SNTG1: variants seen among roughly 807,000 people sequenced by gnomAD.
SNTG1 encodes the protein syntrophin gamma 1, also known as gamma-1-syntrophin.
Under a neutral mutation model 74.7 loss-of-function variants are expected in SNTG1, and 39 were observed. The ratio of observed to expected loss-of-function variants is 0.52; its 90% confidence interval spans 0.40 to 0.68. The LOEUF is 0.68. Among genes scored for constraint, SNTG1 ranks in the 30% least tolerant of loss-of-function variants. The pLI is 0.00. For missense variants in SNTG1, 685 were observed against 609.5 expected, an observed-to-expected ratio of 1.12 and a Z score of -1.30; for synonymous variants, 254 against 217.1, an observed-to-expected ratio of 1.17 and a Z score of -1.49.
Position 50,785,255 on chromosome 8 carries a change from GT to G in SNTG1, c.1396-7410del, listed in dbSNP as rs2095671412. ...AGAAAATTAGAAAATCTCAAATTTAGTTTTTTAAAAAGGTTAACAAGAGTGA... is the reference window on the plus strand; with the variant it reads ...AGAAAATTAGAAAATCTCAAATTTAGTTTTTAAAAAGGTTAACAAGAGTGA... On this transcript the variant is annotated intron_variant, in intron 18 of 18. Transcript: ENST00000642720. Among the ~76,000 whole-genome samples the G allele has an allele frequency of 2.0e-5, 3 of 151,730 alleles. No homozygotes were observed. The South Asian group carries it at 6.2e-4, about 31-fold the overall frequency.
chr8:50,283,527 T>A lies in SNTG1; in HGVS notation c.-27-110685T>A, dbSNP rs187610952. ...GAAATATAGGAATATGGAACAAAAC[T>A]GATTTTTGTGTAAATTCACATTTTA... On this transcript the variant is annotated intron_variant, in intron 2 of 18. Transcript: ENST00000642720. 2.1e-3 allele frequency among the ~76,000 whole-genome samples: 313 copies of A among 152,332 alleles called. 2 individuals carry two copies. Among genetic ancestry groups the A allele is most frequent in the African/African-American group, 7.1e-3 (294 of 41,588 alleles).
intron 9 of SNTG1, among the ~76,000 whole-genome samples, chr8:50,511,059 A>C (rs1332424429): frequency 6.6e-6 from 1 of 152,210 alleles, no homozygotes; most frequent in African/African-American, 2.4e-5. Context: ...ATTTAGTGCT[A>C]TAAATTTCCC....
intron 11 of SNTG1, among the ~76,000 whole-genome samples, chr8:50,537,697 A>T (rs2094317718): frequency 6.6e-6 from 1 of 152,180 alleles, no homozygotes; most frequent in African/African-American, 2.4e-5. Context: ...TTTCTGAGAG[A>T]TATAACCTCC....
chr8:50,570,596 T>TATA (rs2094543870), intron 12 of SNTG1, among the ~76,000 whole-genome samples: 1 of 144,562 alleles, frequency 6.9e-6, no homozygotes, highest in South Asian at 2.1e-4. Context: ...TTGTTGTTAT[T>TATA]ATTATTATTA....
chr8:50,146,865 T>C (rs1407025410), intron 1 of SNTG1, among the ~76,000 whole-genome samples: 1 of 150,486 alleles, frequency 6.6e-6, no homozygotes, highest in Non-Finnish European at 1.5e-5. Flanking sequence ...TTTTTTGTTC[T>C]TTTTTTTTCT....
intron 2 of SNTG1, among the ~76,000 whole-genome samples, chr8:50,174,770 T>C (rs1340832974): frequency 1.3e-5 from 2 of 152,130 alleles, no homozygotes; most frequent in Non-Finnish European, 2.9e-5. Flanking sequence ...TGCAGGTTTG[T>C]TACATATGTA....
At chr8:50,653,263 G>A (rs926862747) in intron 13 of SNTG1, among the ~76,000 whole-genome samples, 1 of 151,942 alleles carries the variant, frequency 6.6e-6, no homozygotes, top group African/African-American at 2.4e-5. Flanking sequence ...GGGCAACATA[G>A]CAAAACTCCG....
chr8:50,586,852 A>G (rs1227361715), intron 12 of SNTG1, among the ~76,000 whole-genome samples: 1 of 152,256 alleles, frequency 6.6e-6, no homozygotes, highest in Admixed American at 6.5e-5. Flanking sequence ...TTCGTTAAAA[A>G]AAAAGTAAAG....
In SNTG1 at chr8:50,380,761, G is replaced by A. The variant is rs59960463; in HGVS notation, c.-27-13451G>A. On this transcript the variant is annotated intron_variant, in intron 2 of 18. Transcript: ENST00000642720. ...TCATTTTATTTTCCAGGTTTTGGTT[G>A]CAAAGATGAAGTTTAATCAACAGCT... Among the ~76,000 whole-genome samples the A allele has an allele frequency of 9.3e-3, 1,422 of 152,272 alleles. 28 individuals are homozygous for A. Among genetic ancestry groups the A allele is most frequent in the African/African-American group, 0.032 (1,348 of 41,558 alleles).
intron 1 of SNTG1, among the ~76,000 whole-genome samples, chr8:49,995,918 T>C (rs1319220591): frequency 6.6e-6 from 1 of 152,234 alleles, no homozygotes; most frequent in Non-Finnish European, 1.5e-5. Flanking sequence ...TGCATCCATA[T>C]CTTTAAGCAT....
At chr8:50,321,314 C>A (rs546267437) in intron 2 of SNTG1, among the ~76,000 whole-genome samples, 41 of 152,100 alleles carry the variant, frequency 2.7e-4, no homozygotes, top group African/African-American at 9.1e-4. Flanking sequence ...ATAGTTTTAT[C>A]TTGAAATCTA....
intron 8 of SNTG1, among the ~76,000 whole-genome samples, chr8:50,481,896 G>A (rs1233917046): frequency 6.6e-6 from 1 of 152,108 alleles, no homozygotes; most frequent in Non-Finnish European, 1.5e-5. Context: ...TGTGATTTCT[G>A]CAGAGTCATG....
chr8:49,915,568 T>A (rs1805955649), intron 1 of SNTG1, among the ~76,000 whole-genome samples: 1 of 152,202 alleles, frequency 6.6e-6, no homozygotes, highest in African/African-American at 2.4e-5. Flanking sequence ...CTATATCAAT[T>A]GGACAAACTT....
At chr8:50,670,768 C>A (rs942753840) in intron 15 of SNTG1, among the ~76,000 whole-genome samples, 29 of 149,632 alleles carry the variant, frequency 1.9e-4, no homozygotes, top group African/African-American at 7.0e-4. Flanking sequence ...AAGCTGGAGG[C>A]ATCACGCTAC....
At chr8:50,058,452 A>T (rs1437757001) in intron 1 of SNTG1, among the ~76,000 whole-genome samples, 1 of 152,096 alleles carries the variant, frequency 6.6e-6, no homozygotes, top group African/African-American at 2.4e-5. Context: ...AGAAAGGCCA[A>T]GTGATTTTTG....
rs531188210 is a variant in SNTG1 at position 50,280,779 on chromosome 8, C to A, written c.-28+108144C>A. On this transcript the variant is annotated intron_variant, in intron 2 of 18. Transcript: ENST00000642720. ...GTAGATGAAGTCTCATAGGTGGCCA[C>A]CTTTAGAGATAACAGATGGCAAATT... is the stretch of plus-strand genomic sequence containing the variant. Among the ~76,000 whole-genome samples the A allele has an allele frequency of 1.3e-3, 191 of 152,104 alleles. 1 individual carries two copies. Among genetic ancestry groups the A allele is most frequent in the Non-Finnish European group, 1.9e-3 (129 of 67,986 alleles).
chr8:50,558,821 TAAAG>T (rs1231739376), intron 12 of SNTG1, among the ~76,000 whole-genome samples: 2 of 152,122 alleles, frequency 1.3e-5, no homozygotes, highest in African/African-American at 4.8e-5. Context: ...AATAGAAAAA[TAAAG>T]AAAATTCAAC....
chr8:50,276,804 T>TA (rs1281331178), intron 2 of SNTG1, among the ~76,000 whole-genome samples: 1 of 152,130 alleles, frequency 6.6e-6, no homozygotes, highest in Non-Finnish European at 1.5e-5. Context: ...TATAAAAAAG[T>TA]AAAAAATTAG....
chr8:50,163,317 G>C (rs1372445746), intron 1 of SNTG1, among the ~76,000 whole-genome samples: 2 of 151,848 alleles, frequency 1.3e-5, no homozygotes, highest in East Asian at 1.9e-4. Context: ...ATAACCTATT[G>C]ATTAGAAGAC....
Sources: gnomAD v4.1 joint callset for allele counts (sites outside exome capture counted in the v4.1 genomes callset) on GRCh38, gnomAD v4.1.1 for gene constraint, MANE v1.5 for transcripts, NCBI Gene and HGNC (gene_info 2026-07-23, HGNC 2026-07-21) for gene names.